PABPC4L: variants seen among roughly 807,000 people sequenced by gnomAD.
The protein encoded by PABPC4L is poly(A) binding protein cytoplasmic 4 like.
For missense variants in PABPC4L, 452 were observed against 451.4 expected (o/e 1.00, Z -0.01); for synonymous variants, 169 against 164.1 (o/e 1.03, Z -0.23).
chr4:134,175,863 G>A, the PABPC4L span, among the ~76,000 whole-genome samples: 1 of 152,084 alleles, frequency 6.6e-6, no homozygotes, highest in Non-Finnish European at 1.5e-5. Context: ...ACCTGCAAGA[G>A]CATATAACAA....
chr4:133,968,947 C>T, the PABPC4L span, among the ~76,000 whole-genome samples: 2 of 152,060 alleles, frequency 1.3e-5, no homozygotes, highest in Non-Finnish European at 2.9e-5. Context: ...TGGCAAAATC[C>T]TAACTCAAAC....
chr4:134,005,830 C>A, the PABPC4L span, among the ~76,000 whole-genome samples: 11 of 151,558 alleles, frequency 7.3e-5, no homozygotes, highest in African/African-American at 2.7e-4. Flanking sequence ...ACATTTTACT[C>A]GCCATCTGAA....
the PABPC4L span, among the ~76,000 whole-genome samples, chr4:134,086,327 ATTCT>A: frequency 6.6e-6 from 1 of 152,004 alleles, no homozygotes; most frequent in African/African-American, 2.4e-5. Context: ...TTTTGCAGCT[ATTCT>A]TTCTTACTCA....
chr4:134,094,507 T>C, the PABPC4L span, among the ~76,000 whole-genome samples: 1 of 152,110 alleles, frequency 6.6e-6, no homozygotes, highest in East Asian at 1.9e-4. Context: ...AGAACACTTC[T>C]GATGAAGTTA....
chr4:134,007,401 T>C, the PABPC4L span, among the ~76,000 whole-genome samples: 1 of 151,736 alleles, frequency 6.6e-6, no homozygotes, highest in Non-Finnish European at 1.5e-5. Context: ...ATACCAACCA[T>C]ATTATTCCTA....
At chr4:134,171,839 A>G in the PABPC4L span, among the ~76,000 whole-genome samples, 1 of 152,150 alleles carries the variant, frequency 6.6e-6, no homozygotes, top group Non-Finnish European at 1.5e-5. Context: ...AAGTCAATGT[A>G]CAAAAATCAG....
At chr4:134,065,811 G>C in the PABPC4L span, among the ~76,000 whole-genome samples, 2 of 152,068 alleles carry the variant, frequency 1.3e-5, no homozygotes, top group African/African-American at 4.8e-5. Flanking sequence ...GTAAGGAAGG[G>C]ATCCGGTTTT....
At chr4:134,191,236 A>G in the PABPC4L span, among the ~76,000 whole-genome samples, 1 of 151,908 alleles carries the variant, frequency 6.6e-6, no homozygotes, top group Admixed American at 6.6e-5. Flanking sequence ...CATTTGTCCT[A>G]CTCTATATCT....
chr4:133,951,081 G>GT, the PABPC4L span, among the ~76,000 whole-genome samples: 1 of 152,104 alleles, frequency 6.6e-6, no homozygotes, highest in Non-Finnish European at 1.5e-5. Context: ...CATAAGGATT[G>GT]TTTTTTATTT....
the PABPC4L span, among the ~76,000 whole-genome samples, chr4:134,116,982 T>G: frequency 3.3e-5 from 5 of 151,908 alleles, no homozygotes; most frequent in East Asian, 9.7e-4. Context: ...TTAGGTTATA[T>G]TTCTATGTTA....
the PABPC4L span, among the ~76,000 whole-genome samples, chr4:134,113,718 A>G: frequency 1.3e-5 from 2 of 151,900 alleles, no homozygotes; most frequent in Admixed American, 6.6e-5. Flanking sequence ...GGGTTAAAAA[A>G]GACTACTGAG....
the PABPC4L span, among the ~76,000 whole-genome samples, chr4:134,179,696 T>C: frequency 1.3e-5 from 2 of 151,998 alleles, no homozygotes; most frequent in Non-Finnish European, 2.9e-5. Flanking sequence ...GAAAAAAATC[T>C]AGCAAGTGAA....
the PABPC4L span, among the ~76,000 whole-genome samples, chr4:133,972,321 A>G: frequency 6.6e-6 from 1 of 152,184 alleles, no homozygotes; most frequent in Non-Finnish European, 1.5e-5. Context: ...TTATCAAAAT[A>G]GTATACTTAT....
At chr4:133,997,983 A>G in the PABPC4L span, among the ~76,000 whole-genome samples, 3 of 151,826 alleles carry the variant, frequency 2.0e-5, no homozygotes, top group Non-Finnish European at 4.4e-5. Context: ...TTTCAGTACC[A>G]TTTGTATAAT....
the PABPC4L span, among the ~76,000 whole-genome samples, chr4:134,078,584 G>T: frequency 1.2e-3 from 177 of 151,736 alleles, no homozygotes; most frequent in Non-Finnish European, 2.1e-3. Flanking sequence ...AGACTCCAGT[G>T]ACAGGAAAAT....
the PABPC4L span, among the ~76,000 whole-genome samples, chr4:134,051,516 T>C: frequency 6.6e-6 from 1 of 152,170 alleles, no homozygotes; most frequent in Non-Finnish European, 1.5e-5. Context: ...TGGGTAATAG[T>C]GTTTTAAAGA....
At chr4:134,176,416 T>C in the PABPC4L span, among the ~76,000 whole-genome samples, 1 of 152,088 alleles carries the variant, frequency 6.6e-6, no homozygotes, top group Non-Finnish European at 1.5e-5. Flanking sequence ...TCTGAGAGGA[T>C]TGCTTGAGCG....
At chr4:134,003,471 C>T in the PABPC4L span, among the ~76,000 whole-genome samples, 1 of 151,634 alleles carries the variant, frequency 6.6e-6, no homozygotes, top group Admixed American at 6.6e-5. Flanking sequence ...TGTTGCATTT[C>T]CTGACTATAA....
chr4:134,062,004 A>C, the PABPC4L span, among the ~76,000 whole-genome samples: 7 of 152,068 alleles, frequency 4.6e-5, no homozygotes, highest in Non-Finnish European at 7.4e-5. Context: ...ACAACTTGTA[A>C]ATGCAAGCCA....
Sources: gnomAD v4.1 joint callset for allele counts (sites outside exome capture counted in the v4.1 genomes callset) on GRCh38, gnomAD v4.1.1 for gene constraint, MANE v1.5 for transcripts, NCBI Gene and HGNC (gene_info 2026-07-23, HGNC 2026-07-21) for gene names.